EFHD1: variants seen among roughly 807,000 people sequenced by gnomAD.
EFHD1 encodes the protein EF-hand domain-containing protein D1.
In EFHD1, 10 loss-of-function variants were observed where a neutral mutation model predicts 17.2. The ratio of observed to expected loss-of-function variants is 0.58; its 90% CI spans 0.36 to 0.99. EFHD1 has a LOEUF of 0.99. EFHD1 is among the 50% of genes least tolerant of loss of function. EFHD1 has a pLI of 0.01. For synonymous variants in EFHD1, 153 were observed against 142.0 expected, an observed-to-expected ratio of 1.08 and a Z score of -0.55; for missense variants, 310 against 327.5, an observed-to-expected ratio of 0.95 and a Z score of 0.41.
intron 1 of EFHD1, among the ~76,000 whole-genome samples, chr2:232,659,550 C>T (rs1395095616): frequency 6.6e-6 from 1 of 152,088 alleles, no homozygotes; most frequent in Non-Finnish European, 1.5e-5. Context: ...TCCAGCCTGA[C>T]CTTGGGAGCC....
upstream of EFHD1, among the ~76,000 whole-genome samples, chr2:232,630,958 G>A: frequency 6.6e-6 from 1 of 152,180 alleles, no homozygotes; most frequent in South Asian, 2.1e-4. Flanking sequence ...GGGCACAGTA[G>A]CTCATGCCTG....
At chr2:232,640,135 T>C (rs2106197271) in intron 1 of EFHD1, among the ~76,000 whole-genome samples, 1 of 152,336 alleles carries the variant, frequency 6.6e-6, no homozygotes, top group Non-Finnish European at 1.5e-5. Flanking sequence ...ACCATGATCC[T>C]CCATTCCCAG....
intron 1 of EFHD1, among the ~76,000 whole-genome samples, chr2:232,642,861 C>T (rs976749232): frequency 1.1e-4 from 16 of 152,096 alleles, no homozygotes; most frequent in African/African-American, 3.4e-4. Flanking sequence ...TTGTGAGAGA[C>T]GATCTATGCT....
chr2:232,659,445 G>A (rs1694818198), intron 1 of EFHD1, among the ~76,000 whole-genome samples: 1 of 152,166 alleles, frequency 6.6e-6, no homozygotes, highest in South Asian at 2.1e-4. Flanking sequence ...GAGGACCATA[G>A]AGGAGGGCAG....
intron 1 of EFHD1, 181 bp from the exon 2 acceptor site, chr2:232,662,621 A>T: frequency 1.5e-6 from 1 of 661,578 alleles, no homozygotes; most frequent in Non-Finnish European, 2.3e-6. Context: ...GCTTTGAGTC[A>T]TACAAAGCCC....
chr2:232,633,377 C>A, upstream of EFHD1: 1 of 984,996 alleles, frequency 1.0e-6, no homozygotes, highest in Non-Finnish European at 1.3e-6. Context: ...CCGAGGGTCC[C>A]TGCCTGGTCC....
At chr2:232,614,629 A>G (rs925858523) in intron 1 of EFHD1, among the ~76,000 whole-genome samples, 1 of 152,204 alleles carries the variant, frequency 6.6e-6, no homozygotes, top group Non-Finnish European at 1.5e-5. Context: ...GTGGAGTCCC[A>G]GGTTCTGGCA....
intron 1 of EFHD1, among the ~76,000 whole-genome samples, chr2:232,660,457 C>T (rs1263938018): frequency 1.3e-5 from 2 of 151,852 alleles, no homozygotes; most frequent in Non-Finnish European, 2.9e-5. Context: ...GCCTTGGCCT[C>T]CCAAAGTATT....
intron 1 of EFHD1, among the ~76,000 whole-genome samples, chr2:232,612,826 G>C (rs1345738600): frequency 1.3e-5 from 2 of 150,108 alleles, no homozygotes; most frequent in East Asian, 3.9e-4. Flanking sequence ...TCCACCTTCT[G>C]GGTTCAAGCA....
At chr2:232,622,415 G>A (rs2344363) in intron 1 of EFHD1, among the ~76,000 whole-genome samples, 35,389 of 148,832 alleles carry the variant, frequency 0.24, 4,635 homozygotes, top group East Asian at 0.59. Flanking sequence ...GTTGCAGTGA[G>A]CTGAGATCAT....
intron 1 of EFHD1, among the ~76,000 whole-genome samples, chr2:232,654,555 G>A (rs1033923687): frequency 3.3e-5 from 5 of 151,448 alleles, no homozygotes; most frequent in African/African-American, 1.2e-4. Context: ...TGAGTAGCTG[G>A]GATTACAGGT....
chr2:232,637,118 T>C (rs1694332176), intron 1 of EFHD1, among the ~76,000 whole-genome samples: 1 of 152,156 alleles, frequency 6.6e-6, no homozygotes. Context: ...TATCCTCTCA[T>C]AGTTCTGGAA....
chr2:232,655,714 G>A (rs1418351413), intron 1 of EFHD1, among the ~76,000 whole-genome samples: 1 of 152,056 alleles, frequency 6.6e-6, no homozygotes, highest in African/African-American at 2.4e-5. Flanking sequence ...AGTTCTGGCA[G>A]CCTTTGGGCC....
At chr2:232,644,127 G>A (rs1694482602) in intron 1 of EFHD1, among the ~76,000 whole-genome samples, 1 of 152,090 alleles carries the variant, frequency 6.6e-6, no homozygotes, top group Non-Finnish European at 1.5e-5. Flanking sequence ...ATCTCATGTT[G>A]CCCTTCCTCC....
chr2:232,679,400 T>C (rs1047671474), intron 3 of EFHD1, among the ~76,000 whole-genome samples: 5 of 152,084 alleles, frequency 3.3e-5, no homozygotes, highest in South Asian at 2.1e-4. Context: ...TTTTATCTTT[T>C]TTTTTTACCT....
intron 1 of EFHD1, among the ~76,000 whole-genome samples, chr2:232,654,351 A>G (rs1694715807): frequency 6.6e-6 from 1 of 151,312 alleles, no homozygotes; most frequent in Non-Finnish European, 1.5e-5. Context: ...AGGTTTCCCA[A>G]GTCTTCTAGA....
At position 232,674,523 on chromosome 2, in the gene EFHD1, C is replaced by T. The variant is rs7601144; in HGVS notation, c.585+2080C>T. On this transcript the variant is annotated intron_variant, in intron 3 of 3. Coordinates refer to ENST00000264059, the MANE Select transcript of EFHD1 (RefSeq NM_025202.4). Reference sequence around the variant, plus strand: ...TATTTTATATTTTTGTAATGTTTTACAATGAGTGTGCATTATTTTTATAAC... The same window carrying T: ...TATTTTATATTTTTGTAATGTTTTATAATGAGTGTGCATTATTTTTATAAC... Among the ~76,000 whole-genome samples the T allele has an allele frequency of 8.9e-3, 1,358 of 152,198 alleles. 21 individuals are homozygous for T. The highest frequency in any genetic ancestry group is 0.031 in the African/African-American group (1,300 of 41,518).
intron 1 of EFHD1, among the ~76,000 whole-genome samples, chr2:232,658,147 C>T (rs895966770): frequency 2.0e-5 from 3 of 151,948 alleles, no homozygotes; most frequent in Non-Finnish European, 4.4e-5. Flanking sequence ...AGATGATCCA[C>T]CCACCTCGGC....
intron 3 of EFHD1, among the ~76,000 whole-genome samples, chr2:232,675,903 C>T (rs1574736636): frequency 6.6e-6 from 1 of 152,132 alleles, no homozygotes; most frequent in Middle Eastern, 3.4e-3. Context: ...AGGCCAATTG[C>T]GGTGGCTCAC....
Sources: gnomAD v4.1 joint callset for allele counts (sites outside exome capture counted in the v4.1 genomes callset) on GRCh38, gnomAD v4.1.1 for gene constraint, MANE v1.5 for transcripts, NCBI Gene and HGNC (gene_info 2026-07-23, HGNC 2026-07-21) for gene names.